MED15: variants seen among roughly 807,000 people sequenced by gnomAD.
The protein encoded by MED15 is mediator complex subunit 15.
Under a neutral mutation model 118.7 loss-of-function variants are expected in MED15, and 41 were observed. That is an observed-to-expected ratio of 0.35 (90% CI 0.27 to 0.45). The LOEUF (loss-of-function observed/expected upper bound fraction) is 0.45, where lower values mean the gene tolerates loss of function less well. MED15 is among the 20% of genes least tolerant of loss of function. The probability of loss-of-function intolerance (pLI) is 1.00; values close to 1 mark genes in which losing one functional copy is unlikely to be tolerated. For synonymous variants in MED15, 436 were observed against 413.9 expected, an observed-to-expected ratio of 1.05 and a Z score of -0.65; for missense variants, 740 against 1,025.5, an observed-to-expected ratio of 0.72 and a Z score of 3.80.
chr22:20,520,960 G>A (rs980380892), intron 1 of MED15, among the ~76,000 whole-genome samples: 1 of 151,590 alleles, frequency 6.6e-6, no homozygotes, highest in Non-Finnish European at 1.5e-5. Context: ...GGCTGGTCTC[G>A]AACTCCTGGG....
At chr22:20,554,024 G>T (rs1017069549) in intron 4 of MED15, among the ~76,000 whole-genome samples, 3 of 152,256 alleles carry the variant, frequency 2.0e-5, no homozygotes, top group African/African-American at 7.2e-5. Context: ...ATTGGGAAGG[G>T]AGTGCACTGA....
intron 1 of MED15, among the ~76,000 whole-genome samples, chr22:20,525,320 GT>G (rs60581887): frequency 3.4e-5 from 5 of 146,738 alleles, no homozygotes; most frequent in East Asian, 4.0e-4. Flanking sequence ...GAGTTTTTTT[GT>G]TTTTTTTTTG....
At chr22:20,535,052 G>A (rs1459734753) in intron 1 of MED15, among the ~76,000 whole-genome samples, 1 of 152,090 alleles carries the variant, frequency 6.6e-6, no homozygotes, top group African/African-American at 2.4e-5. Context: ...CTGCCTCCAG[G>A]GTTCAAGCGA....
intron 5 of MED15, among the ~76,000 whole-genome samples, chr22:20,561,518 CA>C (rs949696110): frequency 6.9e-4 from 79 of 114,830 alleles, no homozygotes; most frequent in Admixed American, 6.4e-4. Context: ...GATTCCATCT[CA>C]AAAAAAAAAA....
At position 20,583,232 on chromosome 22, in the gene MED15, A is replaced by T; in HGVS notation, c.1657A>T (p.Ile553Phe). The T allele has an allele frequency of 6.2e-7, 1 of 1,611,618 alleles. No individual in the cohort carries two copies. The highest frequency in any genetic ancestry group is 8.5e-7 in the Non-Finnish European group (1 of 1,178,414). ...GCCCCTGCGCCGCATGATCAACAAGATCGACAAGAACGAAGGTAGGCTGCA... is the reference window on the plus strand; with the variant it reads ...GCCCCTGCGCCGCATGATCAACAAGTTCGACAAGAACGAAGGTAGGCTGCA... ...IEPLRRMINK[I>F]DKNEDRKKDL... Residue 553 changes from isoleucine to phenylalanine, a missense_variant, in exon 12 of 18, where the codon ATC becomes TTC. Physicochemically the swap from Ile to Phe is conservative, Grantham distance 21. Transcript: ENST00000263205.
chr22:20,554,870 G>C, intron 4 of MED15, 66 bp from the exon 5 acceptor site: 1 of 1,458,920 alleles, frequency 6.9e-7, no homozygotes, highest in East Asian at 2.3e-5. Context: ...TGAGCCTTAC[G>C]CCCTTTGAGC....
rs1316466300 is a variant in MED15 at position 20,508,081 on chromosome 22, C to T, written c.68+335C>T. On this transcript the variant is annotated intron_variant, in intron 1 of 17. Transcript: ENST00000263205. ...TGAATAGGGAAAGGGAGAGAAGCAG[C>T]CGGCTGTAGTGGGTTTAGCAGGGCT... 2.3e-6 allele frequency: 3 copies of T among 1,314,588 alleles called. No individual in the cohort carries two copies. The African/African-American group carries it at 4.5e-5, about 20-fold the overall frequency. The allele number at this position is 1,314,588 out of a possible 1,614,324, so 81.4% of individuals were successfully genotyped here.
chr22:20,553,239 A>G, intron 4 of MED15, 65 bp downstream of exon 4: 1 of 1,489,260 alleles, frequency 6.7e-7, no homozygotes, highest in Admixed American at 1.7e-5. Context: ...CAAGAATGAC[A>G]TAGTGCATGC....
rs371784138 is a variant in MED15, at chr22:20,541,508, C to T, written c.156+4304C>T. ...ATTGGAATTCTCTTTCTTTTTGAGA[C>T]AGTCTCGCTCTGTCGCCCAGGCTAG... On this transcript the variant is annotated intron_variant, in intron 2 of 17. Coordinates refer to ENST00000263205, the MANE Select transcript of MED15 (RefSeq NM_001003891.3). Among the ~76,000 whole-genome samples, 3 of 152,132 alleles carry T rather than the reference C, an allele frequency of 2.0e-5. No homozygotes were observed. In the South Asian group the frequency reaches 6.2e-4, roughly 31 times the overall value.
chr22:20,548,529 CTG>C (rs1386955558), intron 2 of MED15, among the ~76,000 whole-genome samples: 1 of 152,142 alleles, frequency 6.6e-6, no homozygotes, highest in Non-Finnish European at 1.5e-5. Context: ...ACCCATAACA[CTG>C]TGGATTTAGA....
At chr22:20,572,528 CCTGGTTCTCTT>C (rs1464218653) in intron 8 of MED15, among the ~76,000 whole-genome samples, 2 of 152,240 alleles carry the variant, frequency 1.3e-5, no homozygotes, top group Non-Finnish European at 2.9e-5. Context: ...GCTGTGCACA[CCTGGTTCTCTT>C]TCCAGTGTTA....
At chr22:20,586,483 T>C (rs892870282) in intron 17 of MED15, 85 bp from the exon 18 acceptor site, 23 of 1,560,902 alleles carry the variant, frequency 1.5e-5, no homozygotes, top group Admixed American at 1.4e-4. Context: ...CGCCTGGGGC[T>C]ACCCCTTCCC....
At chr22:20,571,348 A>G (rs1045728617) in intron 8 of MED15, among the ~76,000 whole-genome samples, 1 of 152,164 alleles carries the variant, frequency 6.6e-6, no homozygotes, top group Non-Finnish European at 1.5e-5. Flanking sequence ...AGGAAGGAGG[A>G]TGGAGAGTGG....
chr22:20,537,585 G>A (rs2055130515), intron 2 of MED15, among the ~76,000 whole-genome samples: 1 of 152,194 alleles, frequency 6.6e-6, no homozygotes, highest in African/African-American at 2.4e-5. Context: ...AAGCCCTACA[G>A]GGCCCTGAGG....
intron 1 of MED15, among the ~76,000 whole-genome samples, chr22:20,515,794 A>C (rs947811664): frequency 6.6e-6 from 1 of 151,794 alleles, no homozygotes; most frequent in African/African-American, 2.4e-5. Context: ...CAAAAAAAAA[A>C]AATATATAGA....
At chr22:20,515,427 C>G (rs540573776) in intron 1 of MED15, among the ~76,000 whole-genome samples, 1 of 151,546 alleles carries the variant, frequency 6.6e-6, no homozygotes, top group South Asian at 2.1e-4. Context: ...TTGGGCCACA[C>G]ATAAGATACA....
At chr22:20,551,565 C>A (rs1366942986) in intron 3 of MED15, 78 bp downstream of exon 3, 1 of 1,392,438 alleles carries the variant, frequency 7.2e-7, no homozygotes, top group African/African-American at 1.4e-5. Context: ...GCAGAGCTTT[C>A]TGGGCAGGCC....
Position 20,586,102 on chromosome 22 carries a change from GGTGA to G in MED15, c.2230+279_2230+282del, listed in dbSNP as rs1372015510. ...GGGTGGTTGTGTTCAGTGGGTGAGG[GGTGA>G]GTAAGCCCATGGCTCAGGGACAGTC... On this transcript the variant is annotated intron_variant, in intron 17 of 17. Transcript: ENST00000263205. 3.3e-5 allele frequency among the ~76,000 whole-genome samples: 5 copies of G among 152,274 alleles called. No homozygotes were observed. In the East Asian group the frequency reaches 9.7e-4, roughly 29 times the overall value.
chr22:20,585,935 C>T (rs1298276034), intron 17 of MED15, 109 bp downstream of exon 17: 20 of 1,009,552 alleles, frequency 2.0e-5, no homozygotes, highest in Non-Finnish European at 2.7e-5. Context: ...CCTGCCCCTC[C>T]CCAGCTCAGG....
Sources: allele counts gnomAD v4.1 joint callset (sites outside exome capture counted in the v4.1 genomes callset), GRCh38; gene constraint gnomAD v4.1.1; transcripts MANE v1.5; gene names NCBI Gene and HGNC (gene_info 2026-07-23, HGNC 2026-07-21).